The following MARCHF1 variants were observed in gnomAD, a reference collection of about 807,000 sequenced individuals.
MARCHF1 encodes E3 ubiquitin-protein ligase MARCHF1.
Under a neutral mutation model 54.2 loss-of-function variants are expected in MARCHF1, and 40 were observed. That is an observed-to-expected ratio of 0.74 (90% confidence interval 0.57 to 0.96). The LOEUF (loss-of-function observed/expected upper bound fraction) is 0.96, where lower values mean the gene tolerates loss of function less well. Among genes scored for constraint, MARCHF1 ranks in the 40% least tolerant of loss-of-function variants. The pLI, the probability that MARCHF1 is intolerant of heterozygous loss-of-function variation, is 0.00. For synonymous variants in MARCHF1, 236 were observed against 236.3 expected, an observed-to-expected ratio of 1.00 and a Z score of 0.01; for missense variants, 586 against 656.5, an observed-to-expected ratio of 0.89 and a Z score of 1.17.
chr4:164,335,703 C>T (rs1729718781), intron 1 of MARCHF1, among the ~76,000 whole-genome samples: 1 of 105,106 alleles, frequency 9.5e-6, no homozygotes, highest in Admixed American at 1.1e-4. Context: ...AGAATTATGA[C>T]TTGCTCTGGA....
chr4:164,174,824 TTAAGA>T (rs1428197373), intron 1 of MARCHF1, among the ~76,000 whole-genome samples: 1 of 152,210 alleles, frequency 6.6e-6, no homozygotes. Flanking sequence ...TGGTAAATTA[TTAAGA>T]TAAAAGAGTC....
chr4:164,233,532 G>A (rs1345885359), intron 1 of MARCHF1, among the ~76,000 whole-genome samples: 1 of 152,040 alleles, frequency 6.6e-6, no homozygotes, highest in Admixed American at 6.6e-5. Flanking sequence ...TACCTCTCAT[G>A]ACATACCATT....
intron 7 of MARCHF1, among the ~76,000 whole-genome samples, chr4:163,599,746 G>T (rs1740897006): frequency 6.6e-6 from 1 of 152,172 alleles, no homozygotes; most frequent in African/African-American, 2.4e-5. Context: ...TGATTCCATA[G>T]GTCTGGATTG....
At chr4:163,554,733 G>T (rs1328083739) in intron 8 of MARCHF1, among the ~76,000 whole-genome samples, 2 of 152,062 alleles carry the variant, frequency 1.3e-5, no homozygotes, top group African/African-American at 2.4e-5. Context: ...AAGTAAACCA[G>T]GCATAAATAT....
chr4:163,531,275 TACAC>T (rs1280519117), intron 9 of MARCHF1, among the ~76,000 whole-genome samples: 16 of 151,876 alleles, frequency 1.1e-4, no homozygotes, highest in Non-Finnish European at 1.3e-4. Context: ...TAAAAACAGT[TACAC>T]ACTACAGCCA....
intron 7 of MARCHF1, among the ~76,000 whole-genome samples, chr4:163,603,339 C>G (rs941999524): frequency 6.6e-6 from 1 of 152,044 alleles, no homozygotes; most frequent in Non-Finnish European, 1.5e-5. Flanking sequence ...TGATACCACT[C>G]CCCTAGATTC....
chr4:164,120,650 G>A (rs1039187840), intron 1 of MARCHF1, among the ~76,000 whole-genome samples: 1 of 151,962 alleles, frequency 6.6e-6, no homozygotes, highest in Non-Finnish European at 1.5e-5. Flanking sequence ...TACCACAACT[G>A]AATAAAACTA....
intron 5 of MARCHF1, among the ~76,000 whole-genome samples, chr4:163,619,519 T>G (rs1256220660): frequency 6.6e-6 from 1 of 152,166 alleles, no homozygotes; most frequent in Non-Finnish European, 1.5e-5. Context: ...CTAAATGTAG[T>G]ATAATTCTAG....
At chr4:163,771,866 A>G (rs1194442262) in intron 4 of MARCHF1, among the ~76,000 whole-genome samples, 1 of 152,216 alleles carries the variant, frequency 6.6e-6, no homozygotes, top group African/African-American at 2.4e-5. Flanking sequence ...CAAAGTACTC[A>G]GATACTTCAA....
chr4:164,344,303 T>C (rs1730013209), intron 1 of MARCHF1, among the ~76,000 whole-genome samples: 3 of 152,190 alleles, frequency 2.0e-5, no homozygotes, highest in Admixed American at 2.0e-4. Flanking sequence ...GAAAAAATAA[T>C]CTGTACACTA....
At chr4:164,191,066 A>G (rs1286753846) in intron 1 of MARCHF1, among the ~76,000 whole-genome samples, 2 of 152,252 alleles carry the variant, frequency 1.3e-5, no homozygotes. Flanking sequence ...ATCTCTTTGC[A>G]TACTGAAAAG....
chr4:164,106,877 C>G (rs1755716437), intron 2 of MARCHF1, among the ~76,000 whole-genome samples: 1 of 151,814 alleles, frequency 6.6e-6, no homozygotes, highest in Non-Finnish European at 1.5e-5. Context: ...GTCATAATCA[C>G]TTTGGTTCCT....
At chr4:163,986,274 T>A (rs1579441861) in intron 3 of MARCHF1, among the ~76,000 whole-genome samples, 1 of 72,342 alleles carries the variant, frequency 1.4e-5, no homozygotes, top group Non-Finnish European at 3.1e-5. Flanking sequence ...TTTTTTTTTT[T>A]TTTTTTGAGA....
At chr4:164,244,924 T>C (rs1732894209) in intron 1 of MARCHF1, among the ~76,000 whole-genome samples, 1 of 152,062 alleles carries the variant, frequency 6.6e-6, no homozygotes. Flanking sequence ...GTTGAATCTC[T>C]GAATAGACCA....
intron 2 of MARCHF1, among the ~76,000 whole-genome samples, chr4:164,008,439 A>T (rs771930242): frequency 6.6e-6 from 1 of 152,126 alleles, no homozygotes; most frequent in Non-Finnish European, 1.5e-5. Context: ...GACAGAAAAT[A>T]AAATGAAAAA....
At chr4:163,693,905 C>A (rs147858909) in intron 5 of MARCHF1, among the ~76,000 whole-genome samples, 197 of 152,116 alleles carry the variant, frequency 1.3e-3, no homozygotes, top group African/African-American at 4.2e-3. Context: ...TTACCCACAC[C>A]CAGGTTTAAC....
chr4:163,671,726 C>T (rs1743744843), intron 5 of MARCHF1, among the ~76,000 whole-genome samples: 1 of 151,996 alleles, frequency 6.6e-6, no homozygotes, highest in Non-Finnish European at 1.5e-5. Context: ...ATTTGCAAAA[C>T]TCTGAATGGT....
intron 2 of MARCHF1, among the ~76,000 whole-genome samples, chr4:164,089,875 C>CT (rs1306853061): frequency 1.3e-5 from 2 of 151,808 alleles, no homozygotes; most frequent in African/African-American, 4.8e-5. Context: ...CTTTCTCAAG[C>CT]TTTTTTATTT....
At chr4:163,534,732 T>A (rs573165175) in intron 9 of MARCHF1, among the ~76,000 whole-genome samples, 1 of 152,182 alleles carries the variant, frequency 6.6e-6, no homozygotes, top group Non-Finnish European at 1.5e-5. Flanking sequence ...GTTTCCATGG[T>A]CCCTTTCTCC....
Sources: allele counts gnomAD v4.1 joint callset (sites outside exome capture counted in the v4.1 genomes callset), GRCh38; gene constraint gnomAD v4.1.1; transcripts MANE v1.5; gene names NCBI Gene and HGNC (gene_info 2026-07-23, HGNC 2026-07-21).